LIN28B: variants seen among roughly 807,000 people sequenced by gnomAD.
The protein encoded by LIN28B is protein lin-28 homolog B.
In LIN28B, 5 loss-of-function variants were observed where a neutral mutation model predicts 21.9. That is an observed-to-expected ratio of 0.23 (90% CI 0.12 to 0.48). The LOEUF is 0.48. LIN28B is among the 20% of genes least tolerant of loss of function. The pLI, the probability that LIN28B is intolerant of heterozygous loss-of-function variation, is 0.98. For synonymous variants in LIN28B, 109 were observed against 111.3 expected (o/e 0.98, Z 0.13); for missense variants, 245 against 310.5 (o/e 0.79, Z 1.58).
intron 2 of LIN28B, among the ~76,000 whole-genome samples, chr6:104,994,267 T>C (rs928976705): frequency 1.3e-5 from 2 of 152,136 alleles, no homozygotes; most frequent in African/African-American, 4.8e-5. Flanking sequence ...GCCTCCCAAA[T>C]TGCTGGGATT....
intron 2 of LIN28B, among the ~76,000 whole-genome samples, chr6:105,014,129 G>A (rs314272): frequency 0.48 from 72,212 of 151,832 alleles, 19,311 homozygotes; most frequent in East Asian, 0.69. Flanking sequence ...GAAACCCTAT[G>A]ATGTTCTTTG....
chr6:104,958,900 T>TC (rs1222740032), intron 2 of LIN28B, among the ~76,000 whole-genome samples: 1 of 152,206 alleles, frequency 6.6e-6, no homozygotes, highest in Non-Finnish European at 1.5e-5. Flanking sequence ...AGAAATGTGC[T>TC]CCGTGTAGTC....
chr6:105,016,544 G>C (rs1283331873), intron 2 of LIN28B, among the ~76,000 whole-genome samples: 4 of 152,118 alleles, frequency 2.6e-5, no homozygotes, highest in Non-Finnish European at 4.4e-5. Flanking sequence ...CCTGTCATCA[G>C]ATAGGACCTT....
intron 3 of LIN28B, among the ~76,000 whole-genome samples, chr6:105,055,457 T>A (rs2114392781): frequency 6.6e-6 from 1 of 152,282 alleles, no homozygotes; most frequent in Non-Finnish European, 1.5e-5. Context: ...CTCCTGTACC[T>A]CTCCCTCCTT....
chr6:105,036,416 A>G (rs1028809939), intron 3 of LIN28B, among the ~76,000 whole-genome samples: 1 of 152,176 alleles, frequency 6.6e-6, no homozygotes, highest in Non-Finnish European at 1.5e-5. Context: ...AAGTTTCTTT[A>G]TTATAGCCTA....
At chr6:105,050,668 C>T (rs1771883172) in intron 3 of LIN28B, among the ~76,000 whole-genome samples, 1 of 137,944 alleles carries the variant, frequency 7.2e-6, no homozygotes, top group African/African-American at 2.7e-5. Context: ...TCTCTTCTGG[C>T]TTGTAGAGTT....
chr6:104,978,443 C>A (rs878887478), intron 2 of LIN28B, among the ~76,000 whole-genome samples: 2 of 151,988 alleles, frequency 1.3e-5, no homozygotes, highest in Admixed American at 6.6e-5. Flanking sequence ...TGCTTGAATA[C>A]CTTAACTCAG....
At position 105,008,713 on chromosome 6, in the gene LIN28B, A is replaced by G. The variant is rs903420619; in HGVS notation, c.199-17585A>G. Among the ~76,000 whole-genome samples, 3 of 151,544 alleles carry G rather than the reference A, an allele frequency of 2.0e-5. No individual in the cohort carries two copies. The South Asian group carries it at 6.2e-4, about 32-fold the overall frequency. ...TTGCTTGCTGTTGAATAACAACTTT[A>G]TTTTTCTTATTTTGTGTATTGTCTA... On this transcript the variant is annotated intron_variant, in intron 2 of 3. Transcript: ENST00000345080.
At chr6:105,057,226 T>G (rs1272640550) in intron 3 of LIN28B, among the ~76,000 whole-genome samples, 1 of 152,246 alleles carries the variant, frequency 6.6e-6, no homozygotes, top group Admixed American at 6.5e-5. Context: ...AGTTTTTGTT[T>G]TCCAATCCAT....
chr6:105,001,929 C>T (rs1770728476), intron 2 of LIN28B, among the ~76,000 whole-genome samples: 1 of 152,084 alleles, frequency 6.6e-6, no homozygotes, highest in Admixed American at 6.5e-5. Flanking sequence ...TAATGCAGCC[C>T]TTGTCTAAAA....
intron 2 of LIN28B, among the ~76,000 whole-genome samples, chr6:105,017,469 G>A (rs1157314643): frequency 6.6e-6 from 1 of 152,158 alleles, no homozygotes; most frequent in Non-Finnish European, 1.5e-5. Flanking sequence ...AATGTACTGA[G>A]CATTGTTCTA....
intron 2 of LIN28B, among the ~76,000 whole-genome samples, chr6:104,989,200 A>G (rs184344772): frequency 5.3e-4 from 80 of 151,384 alleles, no homozygotes; most frequent in African/African-American, 1.7e-3. Context: ...CTTCCACCCA[A>G]TTTCCTGGTG....
intron 3 of LIN28B, among the ~76,000 whole-genome samples, chr6:105,030,178 T>C (rs568768238): frequency 4.6e-5 from 7 of 152,272 alleles, no homozygotes; most frequent in Admixed American, 6.5e-5. Context: ...TACAAAATGG[T>C]GTAGAGACAA....
chr6:105,050,762 T>C (rs1771885739), intron 3 of LIN28B, among the ~76,000 whole-genome samples: 1 of 151,548 alleles, frequency 6.6e-6, no homozygotes, highest in Non-Finnish European at 1.5e-5. Flanking sequence ...TTTTGTATTA[T>C]CAGGACAATG....
At chr6:105,028,507 T>C (rs1771351686) in intron 3 of LIN28B, among the ~76,000 whole-genome samples, 2 of 152,112 alleles carry the variant, frequency 1.3e-5, no homozygotes, top group African/African-American at 4.8e-5. Context: ...AATTCTGATA[T>C]GTTTTGAAGG....
intron 2 of LIN28B, among the ~76,000 whole-genome samples, chr6:104,939,053 A>C (rs1778048871): frequency 6.6e-6 from 1 of 152,212 alleles, no homozygotes; most frequent in Non-Finnish European, 1.5e-5. Flanking sequence ...AAACATAGCT[A>C]TTAAAAAAAA....
chr6:104,968,857 A>G (rs2114586553), intron 2 of LIN28B, among the ~76,000 whole-genome samples: 1 of 152,318 alleles, frequency 6.6e-6, no homozygotes, highest in African/African-American at 2.4e-5. Flanking sequence ...AAAGTCTGGC[A>G]ACATAGGTTA....
chr6:105,047,278 CT>C (rs1296218550), intron 3 of LIN28B, among the ~76,000 whole-genome samples: 3 of 152,106 alleles, frequency 2.0e-5, no homozygotes, highest in African/African-American at 7.2e-5. Context: ...ATAGGGAATC[CT>C]TTCCCCATTT....
intron 2 of LIN28B, among the ~76,000 whole-genome samples, chr6:104,959,817 GT>G (rs1207779306): frequency 1.3e-5 from 2 of 152,018 alleles, no homozygotes; most frequent in Middle Eastern, 3.4e-3. Context: ...TTGTTAAATT[GT>G]TTTTTATGAT....
Sources: allele counts gnomAD v4.1 joint callset (sites outside exome capture counted in the v4.1 genomes callset), GRCh38; gene constraint gnomAD v4.1.1; transcripts MANE v1.5; gene names NCBI Gene and HGNC (gene_info 2026-07-23, HGNC 2026-07-21).